SORCS1: variants seen among roughly 807,000 people sequenced by gnomAD.
SORCS1 encodes VPS10 domain-containing receptor SorCS1.
In SORCS1, 60 loss-of-function variants were observed where a neutral mutation model predicts 146.1. The observed-to-expected ratio is 0.41, with a 90% CI of 0.33 to 0.51. SORCS1 has a LOEUF of 0.51. Among genes scored for constraint, SORCS1 ranks in the 20% least tolerant of loss-of-function variants. The probability of loss-of-function intolerance (pLI) is 0.21; values close to 1 mark genes in which losing one functional copy is unlikely to be tolerated. For synonymous variants in SORCS1, 637 were observed against 584.0 expected (o/e 1.09, Z -1.31); for missense variants, 1,352 against 1,487.6 (o/e 0.91, Z 1.50).
At chr10:107,000,246 G>C (rs889961986) in intron 1 of SORCS1, among the ~76,000 whole-genome samples, 5 of 152,224 alleles carry the variant, frequency 3.3e-5, no homozygotes, top group Non-Finnish European at 5.9e-5. Flanking sequence ...AAGTGGTCCT[G>C]AGAACATGCT....
chr10:106,894,229 A>G (rs550110620), intron 2 of SORCS1, among the ~76,000 whole-genome samples: 87 of 146,614 alleles, frequency 5.9e-4, no homozygotes, highest in African/African-American at 1.9e-3. Context: ...TTAGTGGGGC[A>G]TGTGTGCATG....
chr10:106,687,764 A>C (rs1322307623), intron 10 of SORCS1, among the ~76,000 whole-genome samples: 1 of 152,162 alleles, frequency 6.6e-6, no homozygotes, highest in Non-Finnish European at 1.5e-5. Context: ...AATATGATTA[A>C]ACATCTCCAC....
chr10:106,581,693 C>T (rs547612037), intron 24 of SORCS1, among the ~76,000 whole-genome samples: 95 of 152,210 alleles, frequency 6.2e-4, no homozygotes, highest in Non-Finnish European at 1.2e-3. Context: ...TATCCAGTCC[C>T]CACAACCTCC....
At chr10:106,928,349 G>A (rs1256724696) in intron 2 of SORCS1, among the ~76,000 whole-genome samples, 2 of 152,240 alleles carry the variant, frequency 1.3e-5, no homozygotes, top group Admixed American at 6.5e-5. Flanking sequence ...TGGCCCGGGT[G>A]CTAAGCCCCT....
chr10:106,750,059 A>T (rs989198348), intron 5 of SORCS1, among the ~76,000 whole-genome samples: 3 of 152,214 alleles, frequency 2.0e-5, no homozygotes, highest in Admixed American at 2.0e-4. Flanking sequence ...AAAGACGTGA[A>T]GCAAACTTAG....
At chr10:106,901,500 T>A (rs1181602307) in intron 2 of SORCS1, among the ~76,000 whole-genome samples, 2 of 152,192 alleles carry the variant, frequency 1.3e-5, no homozygotes, top group African/African-American at 4.8e-5. Context: ...TGGCATGATC[T>A]CGGCTCACTG....
chr10:107,133,959 T>C (rs1468862842), intron 1 of SORCS1, among the ~76,000 whole-genome samples: 1 of 152,214 alleles, frequency 6.6e-6, no homozygotes, highest in Non-Finnish European at 1.5e-5. Context: ...TATGCAGAAC[T>C]ACAGCTTCCA....
intron 1 of SORCS1, among the ~76,000 whole-genome samples, chr10:107,037,913 G>A (rs1445683621): frequency 6.6e-6 from 1 of 152,162 alleles, no homozygotes; most frequent in Admixed American, 6.5e-5. Context: ...TGCAGCCTCC[G>A]CCTCCCAGGT....
chr10:107,145,963 G>T (rs541365204), intron 1 of SORCS1, among the ~76,000 whole-genome samples: 1 of 152,088 alleles, frequency 6.6e-6, no homozygotes, highest in Non-Finnish European at 1.5e-5. Flanking sequence ...TCATCATTTT[G>T]TCATGTACAC....
At chr10:106,619,128 T>C (rs1005711908) in intron 20 of SORCS1, among the ~76,000 whole-genome samples, 2 of 152,020 alleles carry the variant, frequency 1.3e-5, no homozygotes, top group Admixed American at 6.5e-5. Flanking sequence ...GGTTTTCTTT[T>C]AAAAGGAAAA....
chr10:107,023,788 TCTTA>T (rs776337830), intron 1 of SORCS1, among the ~76,000 whole-genome samples: 12 of 152,120 alleles, frequency 7.9e-5, no homozygotes, highest in Admixed American at 2.6e-4. Context: ...CTATTATAAT[TCTTA>T]CTTCCTAAAG....
chr10:107,146,761 T>C (rs1968366470), intron 1 of SORCS1, among the ~76,000 whole-genome samples: 1 of 152,150 alleles, frequency 6.6e-6, no homozygotes, highest in Admixed American at 6.5e-5. Context: ...CTCCCAATTC[T>C]ACCATCTGCT....
At chr10:106,842,906 C>T (rs537340718) in intron 2 of SORCS1, among the ~76,000 whole-genome samples, 5 of 152,274 alleles carry the variant, frequency 3.3e-5, no homozygotes, top group Admixed American at 3.3e-4. Flanking sequence ...AGCCACTGTG[C>T]CTGGCCCTTA....
At position 106,869,366 on chromosome 10, in the gene SORCS1, A is replaced by C. The variant is rs186888935; in HGVS notation, c.627-39693T>G. On this transcript the variant is annotated intron_variant, in intron 2 of 25. Coordinates refer to ENST00000263054, the MANE Select transcript of SORCS1 (RefSeq NM_052918.5). ...TGAGACTAACATCATCCTGATACCA[A>C]AACCTCGCAGACACACAACAAAAAA... Among the ~76,000 whole-genome samples the C allele has an allele frequency of 1.5e-3, 235 of 152,268 alleles. 3 individuals carry two copies. The highest frequency in any genetic ancestry group is 5.5e-3 in the African/African-American group (229 of 41,566).
chr10:106,997,484 C>A (rs554468160), intron 1 of SORCS1, among the ~76,000 whole-genome samples: 3 of 152,292 alleles, frequency 2.0e-5, no homozygotes, highest in East Asian at 3.9e-4. Context: ...CTCCCCAACT[C>A]AGCCCCCAGT....
intron 18 of SORCS1, among the ~76,000 whole-genome samples, chr10:106,640,815 G>C (rs1057313620): frequency 2.6e-5 from 4 of 152,190 alleles, no homozygotes; most frequent in African/African-American, 9.7e-5. Flanking sequence ...TTGGGTCTCA[G>C]TGCAAAACAC....
chr10:106,997,856 C>T (rs886149863), intron 1 of SORCS1, among the ~76,000 whole-genome samples: 3 of 152,168 alleles, frequency 2.0e-5, no homozygotes, highest in Admixed American at 1.3e-4. Flanking sequence ...AGCTCCTTCT[C>T]CACCACCTCC....
Position 106,679,832 on chromosome 10 carries a change from T to C in SORCS1, c.1561-98A>G, listed in dbSNP as rs1420305675. 3.3e-6 allele frequency: 3 copies of C among 914,244 alleles called. No homozygotes were observed. The African/African-American group carries it at 4.9e-5, about 15-fold the overall frequency. 56.6% of individuals were successfully genotyped at this position (914,244 alleles called of 1,614,324 possible). On this transcript the variant is annotated intron_variant, in intron 10 of 25. Coordinates refer to ENST00000263054, the MANE Select transcript of SORCS1 (RefSeq NM_052918.5). ...TCCATCCATCTAACCAACCATCCCA[T>C]TTACCATACATCCATGCACCACTCC...
Position 106,612,015 on chromosome 10 carries a change from G to A in SORCS1, c.2929C>T (p.Arg977Trp), listed in dbSNP as rs775353678. ...GGAGAAAAGGACAAGCGAAGAGACC[G>A]GAATTCCTCTGGGGATATAACAGTA... The part of the protein sequence containing the change: ...TKTIAVYEEF[R>W]SLRLSFSPNL... The change falls in exon 22 of 26, where the codon CGG becomes TGG. Residue 977 changes from arginine (R) to tryptophan (W), a missense_variant. Coordinates refer to ENST00000263054, the MANE Select transcript of SORCS1 (RefSeq NM_052918.5). 6.2e-6 allele frequency: 10 copies of A among 1,613,552 alleles called. No homozygotes were observed. Among genetic ancestry groups the A allele is most frequent in the Non-Finnish European group, 7.6e-6 (9 of 1,179,534 alleles).
Sources: gnomAD v4.1 joint callset for allele counts (sites outside exome capture counted in the v4.1 genomes callset) on GRCh38, gnomAD v4.1.1 for gene constraint, MANE v1.5 for transcripts, NCBI Gene and HGNC (gene_info 2026-07-23, HGNC 2026-07-21) for gene names.